Variants in MECR observed in about 807,000 individuals in gnomAD.
The protein encoded by MECR is mitochondrial trans-2-enoyl-CoA reductase.
In MECR, 37 loss-of-function variants were observed where a neutral mutation model predicts 49.1. The ratio of observed to expected loss-of-function variants is 0.75; its 90% CI spans 0.58 to 0.99. The LOEUF is 0.99. Ranked by LOEUF, MECR falls within the 50% of genes least tolerant of loss-of-function variation. MECR has a pLI of 0.00. For synonymous variants in MECR, 198 were observed against 191.1 expected (o/e 1.04, Z -0.30); for missense variants, 470 against 479.6 (o/e 0.98, Z 0.19).
rs1678138535 is a variant in MECR, at chr1:29,212,020, G to C, written c.406+3985C>G. Reference sequence around the variant, plus strand: ...GTTCACTGCTGTGTCCTCAAGCCCAGCATGCTGCAGATGCTCACAAAATGT... The same window carrying C: ...GTTCACTGCTGTGTCCTCAAGCCCACCATGCTGCAGATGCTCACAAAATGT... On this transcript the variant is annotated intron_variant, in intron 3 of 9. Coordinates refer to ENST00000263702, the MANE Select transcript of MECR (RefSeq NM_016011.5). Among the ~76,000 whole-genome samples the C allele has an allele frequency of 2.0e-5, 3 of 152,242 alleles. No homozygotes were observed. In the South Asian group the frequency reaches 6.2e-4, roughly 31 times the overall value.
At chr1:29,179,388 G>A in the MECR span, among the ~76,000 whole-genome samples, 1 of 152,086 alleles carries the variant, frequency 6.6e-6, no homozygotes, top group African/African-American at 2.4e-5. Flanking sequence ...AGAGATGGGG[G>A]TCTTGCTGTT....
chr1:29,185,446 T>A, the MECR span, among the ~76,000 whole-genome samples: 1 of 151,550 alleles, frequency 6.6e-6, no homozygotes, highest in Non-Finnish European at 1.5e-5. Context: ...AGACAGAGTT[T>A]AACTCGTTGC....
At chr1:29,215,775 G>A (rs1679236471) in intron 3 of MECR, among the ~76,000 whole-genome samples, 1 of 152,208 alleles carries the variant, frequency 6.6e-6, no homozygotes, top group Non-Finnish European at 1.5e-5. Context: ...GGAGGCTGAG[G>A]CAGGAGAATC....
At chr1:29,213,213 G>A (rs1678464109) in intron 3 of MECR, among the ~76,000 whole-genome samples, 1 of 152,200 alleles carries the variant, frequency 6.6e-6, no homozygotes, top group African/African-American at 2.4e-5. Context: ...ACCTTGATAG[G>A]ACCTTCACTT....
intron 3 of MECR, among the ~76,000 whole-genome samples, chr1:29,210,172 G>A (rs1558459864): frequency 6.6e-6 from 1 of 151,974 alleles, no homozygotes; most frequent in African/African-American, 2.4e-5. Context: ...CACCACACCC[G>A]GCTAATTTTT....
chr1:29,205,666 C>T (rs1356885545), intron 4 of MECR, among the ~76,000 whole-genome samples: 2 of 151,722 alleles, frequency 1.3e-5, no homozygotes, highest in Admixed American at 6.6e-5. Context: ...CCCATTTCTA[C>T]TAAAAATACA....
At chr1:29,199,978 C>T (rs903815914) in intron 7 of MECR, among the ~76,000 whole-genome samples, 2 of 151,308 alleles carry the variant, frequency 1.3e-5, no homozygotes, top group Non-Finnish European at 2.9e-5. Flanking sequence ...CCAGGCTGGT[C>T]TCGAACTCCT....
chr1:29,170,349 T>TA, the MECR span: 13 of 152,272 alleles, frequency 8.5e-5, no homozygotes, highest in African/African-American at 3.1e-4. Flanking sequence ...CTTAAAGAAA[T>TA]AAAGGTTTAC....
intron 1 of MECR, among the ~76,000 whole-genome samples, chr1:29,219,035 G>A (rs1318002865): frequency 6.6e-6 from 1 of 152,092 alleles, no homozygotes; most frequent in Non-Finnish European, 1.5e-5. Flanking sequence ...GAAGCCAGCA[G>A]GTAAGGGGCT....
intron 3 of MECR, among the ~76,000 whole-genome samples, chr1:29,213,700 G>A (rs1448321197): frequency 6.6e-6 from 1 of 152,270 alleles, no homozygotes; most frequent in African/African-American, 2.4e-5. Flanking sequence ...TGAGAGGTAT[G>A]TATCAGAGTG....
chr1:29,223,405 A>C, intron 1 of MECR: 1 of 408,694 alleles, frequency 2.4e-6, no homozygotes, highest in Non-Finnish European at 3.3e-6. Context: ...CTGCTGAGAT[A>C]TCTTTCCTGC....
chr1:29,196,338 C>CCAACCCTGGTTCCTTTAT (rs1673993003), intron 7 of MECR, 80 bp from the exon 8 acceptor site: 1 of 1,259,674 alleles, frequency 7.9e-7, no homozygotes, highest in Non-Finnish European at 1.1e-6. Flanking sequence ...CGCTTCTACT[C>CCAACCCTGGTTCCTTTAT]CAACCCTGGT....
chr1:29,189,639 T>A (rs534738355), downstream of MECR, among the ~76,000 whole-genome samples: 9 of 152,328 alleles, frequency 5.9e-5, no homozygotes, highest in African/African-American at 2.2e-4. Context: ...CAACCCCTGG[T>A]TGGTCTTTGA....
chr1:29,176,810 C>T, the MECR span, among the ~76,000 whole-genome samples: 1 of 152,232 alleles, frequency 6.6e-6, no homozygotes, highest in Non-Finnish European at 1.5e-5. Context: ...CATGACTAAA[C>T]AGACCACAAC....
intron 1 of MECR, among the ~76,000 whole-genome samples, chr1:29,228,541 A>C (rs2003420): frequency 6.6e-6 from 1 of 152,092 alleles, no homozygotes; most frequent in South Asian, 2.1e-4. Flanking sequence ...TAGTAGAGAC[A>C]GGGTTTCGCC....
In MECR at chr1:29,230,780, C is replaced by A. The variant is rs761778962; in HGVS notation, c.127G>T (p.Val43Phe). The A allele has an allele frequency of 1.2e-6, 2 of 1,603,290 alleles. No homozygotes were observed. Among genetic ancestry groups the A allele is most frequent in the South Asian group, 1.1e-5 (1 of 89,734 alleles). The change falls in exon 1 of 10, where the codon GTC (valine) becomes TTC (phenylalanine). Residue 43 changes from valine (V) to phenylalanine (F), a missense_variant. Val to Phe is a conservative substitution (Grantham distance 50). Coordinates refer to ENST00000263702, the MANE Select transcript of MECR (RefSeq NM_016011.5). ...TGGTGCCCATAGACAAGCGCCCGGA[C>A]CCGGGCAGGCTCGGCGGATGCGGAG... ...SYSASAEPAR[V>F]RALVYGHHGD...
the MECR span, among the ~76,000 whole-genome samples, chr1:29,180,496 C>T: frequency 6.6e-6 from 1 of 152,210 alleles, no homozygotes; most frequent in African/African-American, 2.4e-5. Context: ...TACCAGTTTT[C>T]TCATACGTGA....
downstream of MECR, among the ~76,000 whole-genome samples, chr1:29,189,877 A>G (rs1230248358): frequency 6.6e-6 from 1 of 152,186 alleles, no homozygotes; most frequent in Non-Finnish European, 1.5e-5. Context: ...ATAAACTGCC[A>G]CGATTCCCTT....
the MECR span, among the ~76,000 whole-genome samples, chr1:29,177,350 C>T: frequency 4.0e-5 from 6 of 150,042 alleles, no homozygotes; most frequent in East Asian, 5.9e-4. Context: ...GGCAGGATCT[C>T]GGCTCACCGC....
Sources: allele counts gnomAD v4.1 joint callset (sites outside exome capture counted in the v4.1 genomes callset), GRCh38; gene constraint gnomAD v4.1.1; transcripts MANE v1.5; gene names NCBI Gene and HGNC (gene_info 2026-07-23, HGNC 2026-07-21).